ITPR2: variants seen among roughly 807,000 people sequenced by gnomAD.
ITPR2 encodes inositol 1,4,5-trisphosphate receptor type 2.
A neutral mutation model predicts 317.1 loss-of-function variants in ITPR2; 207 were observed. That is an observed-to-expected ratio of 0.65 (90% CI 0.58 to 0.73). ITPR2 has a LOEUF of 0.73. Among genes scored for constraint, ITPR2 ranks in the 30% least tolerant of loss-of-function variants. The pLI is 0.00. For missense variants in ITPR2, 2,613 were observed against 3,284.0 expected, an observed-to-expected ratio of 0.80 and a Z score of 4.99; for synonymous variants, 1,156 against 1,149.1, an observed-to-expected ratio of 1.01 and a Z score of -0.12.
chr12:26,379,760 C>T (rs886119878), intron 55 of ITPR2, among the ~76,000 whole-genome samples: 1 of 152,132 alleles, frequency 6.6e-6, no homozygotes, highest in Non-Finnish European at 1.5e-5. Context: ...CTAACTGGCC[C>T]ATTATACATA....
chr12:26,716,273 C>A (rs1189350421), intron 5 of ITPR2, 31 bp from the exon 6 acceptor site: 3 of 1,367,788 alleles, frequency 2.2e-6, no homozygotes, highest in Admixed American at 3.4e-5. Context: ...ACAATTGAGA[C>A]ACTGCATGGA....
At chr12:26,425,645 G>A (rs1241874626) in intron 49 of ITPR2, among the ~76,000 whole-genome samples, 3 of 147,018 alleles carry the variant, frequency 2.0e-5, no homozygotes, top group African/African-American at 5.0e-5. Context: ...TCCAGTGGGC[G>A]ACAGAGTGAG....
rs376288180 is a variant in ITPR2, at chr12:26,487,111, C to T, written c.5511G>A (p.Arg1837=). 6.2e-7 allele frequency: 1 copy of T among 1,612,524 alleles called. No individual in the cohort carries two copies. Among genetic ancestry groups the T allele is most frequent in the African/African-American group, 1.3e-5 (1 of 74,814 alleles). ...VNTIDLGNKK[R]DDDNELMTSG... ...ATGTCATCAATTCATTGTCATCGTC[C>T]CTTTTTTTGTTACCTAAATCTATGG... The change falls in exon 40 of 57, where the codon AGG becomes AGA. Residue 1837 remains arginine (R), a synonymous_variant. Transcript: ENST00000381340.
chr12:26,586,105 T>C (rs1945519541), intron 32 of ITPR2, among the ~76,000 whole-genome samples: 1 of 152,238 alleles, frequency 6.6e-6, no homozygotes, highest in South Asian at 2.1e-4. Context: ...TTACCCTTTT[T>C]AAAACTGTAC....
intron 33 of ITPR2, among the ~76,000 whole-genome samples, chr12:26,579,114 C>A (rs1290994494): frequency 6.6e-6 from 1 of 152,048 alleles, no homozygotes; most frequent in Non-Finnish European, 1.5e-5. Context: ...ACATGAATAT[C>A]TTTTATAATC....
At chr12:26,707,001 C>T (rs1948563951) in intron 9 of ITPR2, among the ~76,000 whole-genome samples, 1 of 152,080 alleles carries the variant, frequency 6.6e-6, no homozygotes, top group Non-Finnish European at 1.5e-5. Context: ...TCTTTGAGAA[C>T]CAGTTTGCCC....
chr12:26,643,579 A>C lies in ITPR2; in HGVS notation c.2740+10397T>G, dbSNP rs79750425. Among the ~76,000 whole-genome samples the C allele has an allele frequency of 5.7e-3, 873 of 152,336 alleles. 8 individuals are homozygous for C. Among genetic ancestry groups the C allele is most frequent in the African/African-American group, 0.019 (807 of 41,582 alleles). On this transcript the variant is annotated intron_variant, in intron 21 of 56. Transcript: ENST00000381340. Reference sequence around the variant, plus strand: ...AGGTCACAAACAGAACATTGGTAGAAATATGGATGGTAAAGGTCATTCAGA... The same window carrying C: ...AGGTCACAAACAGAACATTGGTAGACATATGGATGGTAAAGGTCATTCAGA...
chr12:26,532,938 G>A (rs1194619034), intron 37 of ITPR2, among the ~76,000 whole-genome samples: 3 of 151,764 alleles, frequency 2.0e-5, no homozygotes, highest in Admixed American at 6.6e-5. Context: ...CACCCACCTC[G>A]GCATCCCAAA....
intron 49 of ITPR2, chr12:26,419,416 C>G: frequency 2.0e-6 from 1 of 501,984 alleles, no homozygotes; most frequent in Non-Finnish European, 3.5e-6. Context: ...AGGTCTTCAG[C>G]ATTGCTTACA....
At chr12:26,498,634 C>T (rs1416352397) in intron 37 of ITPR2, among the ~76,000 whole-genome samples, 1 of 152,058 alleles carries the variant, frequency 6.6e-6, no homozygotes, top group Non-Finnish European at 1.5e-5. Context: ...TGGATCTCAC[C>T]TCTACAGACC....
intron 48 of ITPR2, among the ~76,000 whole-genome samples, chr12:26,433,759 G>T (rs1308531205): frequency 6.6e-6 from 1 of 152,136 alleles, no homozygotes; most frequent in East Asian, 1.9e-4. Flanking sequence ...CTATTTAGCT[G>T]GACTGAGGTA....
chr12:26,480,549 A>T (rs1942522925), intron 43 of ITPR2, among the ~76,000 whole-genome samples: 1 of 152,152 alleles, frequency 6.6e-6, no homozygotes, highest in Non-Finnish European at 1.5e-5. Context: ...AAAATATAAA[A>T]TTAAAAACAA....
intron 37 of ITPR2, among the ~76,000 whole-genome samples, chr12:26,539,586 T>G (rs1430786466): frequency 3.9e-5 from 6 of 152,306 alleles, no homozygotes; most frequent in African/African-American, 1.2e-4. Flanking sequence ...GGCCTTCAGA[T>G]TTGGTCATCA....
chr12:26,654,640 T>C (rs1211413542), intron 20 of ITPR2, among the ~76,000 whole-genome samples: 1 of 152,134 alleles, frequency 6.6e-6, no homozygotes. Context: ...ACAGAAGTGA[T>C]GACATGTCAC....
At chr12:26,597,168 C>T in intron 30 of ITPR2, 34 bp from the exon 31 acceptor site, 1 of 1,610,436 alleles carries the variant, frequency 6.2e-7, no homozygotes, top group Non-Finnish European at 8.5e-7. Context: ...ATGTAGCAGT[C>T]CGAACATTCA....
chr12:26,345,627 A>G (rs952443386), intron 55 of ITPR2, among the ~76,000 whole-genome samples: 1 of 152,198 alleles, frequency 6.6e-6, no homozygotes, highest in Non-Finnish European at 1.5e-5. Context: ...ATTAACTCCA[A>G]TATAGCAGCA....
intron 32 of ITPR2, among the ~76,000 whole-genome samples, chr12:26,586,252 C>G (rs141297578): frequency 7.6e-4 from 116 of 152,054 alleles, no homozygotes; most frequent in African/African-American, 2.7e-3. Context: ...TCAGGGGATC[C>G]TCTTCCCTCG....
chr12:26,778,296 G>T (rs1342830904), intron 2 of ITPR2, among the ~76,000 whole-genome samples: 4 of 152,184 alleles, frequency 2.6e-5, no homozygotes, highest in Non-Finnish European at 5.9e-5. Flanking sequence ...CACCATCGAG[G>T]ACTTGAAAGA....
chr12:26,449,456 T>C (rs964586822), intron 45 of ITPR2, among the ~76,000 whole-genome samples: 1 of 152,148 alleles, frequency 6.6e-6, no homozygotes, highest in Non-Finnish European at 1.5e-5. Context: ...TTAGCTACTG[T>C]GGGATGATAG....
Sources: allele counts gnomAD v4.1 joint callset (sites outside exome capture counted in the v4.1 genomes callset), GRCh38; gene constraint gnomAD v4.1.1; transcripts MANE v1.5; gene names NCBI Gene and HGNC (gene_info 2026-07-23, HGNC 2026-07-21).